Variants in DNAJC18 observed in about 807,000 individuals in gnomAD.
DNAJC18 encodes DnaJ heat shock protein family (Hsp40) member C18.
A neutral mutation model predicts 48.6 loss-of-function variants in DNAJC18; 40 were observed. The observed-to-expected ratio is 0.82, with a 90% CI of 0.64 to 1.07. DNAJC18 has a LOEUF of 1.07. DNAJC18 is among the 50% of genes least tolerant of loss of function. DNAJC18 has a pLI of 0.00. For synonymous variants in DNAJC18, 135 were observed against 152.2 expected, an observed-to-expected ratio of 0.89 and a Z score of 0.83; for missense variants, 340 against 427.7, an observed-to-expected ratio of 0.79 and a Z score of 1.81.
At chr5:139,420,764 C>T (rs1759140001) in intron 6 of DNAJC18, among the ~76,000 whole-genome samples, 1 of 151,908 alleles carries the variant, frequency 6.6e-6, no homozygotes, top group Non-Finnish European at 1.5e-5. Flanking sequence ...AGCTAACTCT[C>T]TGTGGGTCCA....
rs577407040 is a variant in DNAJC18, at chr5:139,415,683, C to T, written c.953-1411G>A. Among the ~76,000 whole-genome samples, 6 of 152,330 alleles carry T rather than the reference C, an allele frequency of 3.9e-5. No homozygotes were observed. In the East Asian group the frequency reaches 9.6e-4, roughly 24 times the overall value. On this transcript the variant is annotated intron_variant, in intron 7 of 7. Coordinates refer to ENST00000302060, the MANE Select transcript of DNAJC18 (RefSeq NM_152686.4). ...AAGCTCTCTGCTCCTGCATCCTGCC[C>T]AGGGCTCGGCACTAACTCCAATCTC...
At chr5:139,423,325 T>G (rs1759183512) in intron 5 of DNAJC18, among the ~76,000 whole-genome samples, 1 of 151,700 alleles carries the variant, frequency 6.6e-6, no homozygotes, top group African/African-American at 2.4e-5. Context: ...TGCTCCAAAA[T>G]CTAGAACTTT....
intron 3 of DNAJC18, 86 bp downstream of exon 3, chr5:139,428,452 A>C (rs1581419488): frequency 6.6e-7 from 1 of 1,525,614 alleles, no homozygotes; most frequent in Non-Finnish European, 8.8e-7. Context: ...TTATGGCCTT[A>C]TAAAACAACT....
At chr5:139,433,485 A>G (rs1486759667) in intron 2 of DNAJC18, among the ~76,000 whole-genome samples, 1 of 152,034 alleles carries the variant, frequency 6.6e-6, no homozygotes, top group African/African-American at 2.4e-5. Flanking sequence ...GCAAGAGATC[A>G]CTTTTTACTG....
chr5:139,424,082 T>C (rs966344749), intron 5 of DNAJC18, among the ~76,000 whole-genome samples: 1 of 152,184 alleles, frequency 6.6e-6, no homozygotes, highest in Admixed American at 6.5e-5. Flanking sequence ...CCTAGGAATT[T>C]GGGGTTGAAA....
At chr5:139,427,387 C>G (rs1759260625) in intron 3 of DNAJC18, among the ~76,000 whole-genome samples, 1 of 152,024 alleles carries the variant, frequency 6.6e-6, no homozygotes, top group Admixed American at 6.6e-5. Flanking sequence ...AAAAAGAAAT[C>G]TTTTAAGGCA....
chr5:139,422,809 A>C lies in DNAJC18; in HGVS notation c.678T>G (p.Tyr226Ter), dbSNP rs1310620318. The C allele has an allele frequency of 6.3e-7, 1 of 1,579,398 alleles. No homozygotes were observed. The highest frequency in any genetic ancestry group is 1.4e-5 in the African/African-American group (1 of 72,268). The change falls in exon 6 of 8, where the codon TAT becomes TAG. Residue 226 changes from tyrosine (Y) to a stop codon, truncating the protein, a stop_gained. Transcript: ENST00000302060. LOFTEE classifies it high-confidence loss of function. ...EEEEEKPQTT[Y>*]SAFIQLLPVL... is the part of the protein sequence containing the mutation. ...CTGGAAGTAGCTGAATAAATGCAGA[A>C]TATGTAGTCTGAAAAAGAAAAAAAA...
At chr5:139,424,594 C>A (rs997352279) in intron 5 of DNAJC18, among the ~76,000 whole-genome samples, 2 of 151,470 alleles carry the variant, frequency 1.3e-5, no homozygotes, top group African/African-American at 4.9e-5. Context: ...GTGGCACGCA[C>A]CTATAGTCCC....
chr5:139,417,278 T>G (rs1176575310), intron 7 of DNAJC18, among the ~76,000 whole-genome samples: 1 of 152,086 alleles, frequency 6.6e-6, no homozygotes, highest in Non-Finnish European at 1.5e-5. Context: ...ATTTAAAAAG[T>G]CAATGGCTAA....
chr5:139,438,266 A>C (rs1290724806), intron 1 of DNAJC18, among the ~76,000 whole-genome samples: 2 of 151,564 alleles, frequency 1.3e-5, no homozygotes, highest in Admixed American at 1.3e-4. Context: ...CAGTGAGCCG[A>C]GATCGCGCTA....
chr5:139,416,003 T>C (rs1235060096), intron 7 of DNAJC18, among the ~76,000 whole-genome samples: 3 of 152,120 alleles, frequency 2.0e-5, no homozygotes, highest in African/African-American at 7.2e-5. Flanking sequence ...TCACATTGCT[T>C]TTCATAAAGT....
At chr5:139,432,474 T>TG (rs1403951735) in intron 2 of DNAJC18, among the ~76,000 whole-genome samples, 1 of 150,820 alleles carries the variant, frequency 6.6e-6, no homozygotes, top group Non-Finnish European at 1.5e-5. Flanking sequence ...CAGAACTTTA[T>TG]TTTTTTTTAG....
chr5:139,419,990 G>C, intron 7 of DNAJC18, 63 bp downstream of exon 7: 2 of 1,458,290 alleles, frequency 1.4e-6, no homozygotes, highest in South Asian at 1.5e-5. Context: ...GGATCAGGAG[G>C]CTGGGGGTGC....
In DNAJC18 at chr5:139,425,052, G is replaced by A. The variant is rs1187570822; in HGVS notation, c.622C>T (p.His208Tyr). ...TCCTTCTGAGTCTGTGTCCTCTCAT[G>A]TCGGTGCCGTCGACGGTAATAGTAA... ...DTYYYRRRHR[H>Y]ERTQTQKEEE... The change falls in exon 5 of 8, where the codon CAT becomes TAT. Residue 208 changes from histidine to tyrosine, a missense_variant. His to Tyr is a moderately conservative substitution (Grantham distance 83). Coordinates refer to ENST00000302060, the MANE Select transcript of DNAJC18 (RefSeq NM_152686.4). The A allele has an allele frequency of 3.1e-6, 5 of 1,613,374 alleles. No homozygotes were observed. In the South Asian group the frequency reaches 5.5e-5, roughly 18 times the overall value.
chr5:139,432,348 A>G (rs990935474), intron 2 of DNAJC18, among the ~76,000 whole-genome samples: 3 of 152,038 alleles, frequency 2.0e-5, no homozygotes, highest in African/African-American at 7.2e-5. Context: ...TATTTTTAGT[A>G]GAGACGGGGT....
At chr5:139,429,651 G>A (rs1034625676) in intron 2 of DNAJC18, among the ~76,000 whole-genome samples, 3 of 152,216 alleles carry the variant, frequency 2.0e-5, no homozygotes, top group East Asian at 3.9e-4. Context: ...TGGGCTGGGC[G>A]TGGTGGCTCA....
At chr5:139,436,016 G>GTCCA (rs1238572696) in intron 2 of DNAJC18, among the ~76,000 whole-genome samples, 10 of 151,446 alleles carry the variant, frequency 6.6e-5, no homozygotes, top group African/African-American at 2.4e-4. Context: ...GAGTCACCAT[G>GTCCA]TCCAGCTAGA....
chr5:139,422,676 T>TA (rs1759173461), intron 6 of DNAJC18, 32 bp downstream of exon 6: 1 of 1,496,916 alleles, frequency 6.7e-7, no homozygotes, highest in Non-Finnish European at 9.2e-7. Flanking sequence ...CCCAGACTGT[T>TA]ACTGAGAAAG....
chr5:139,419,921 C>A (rs891158999), intron 7 of DNAJC18, 132 bp downstream of exon 7: 5 of 884,408 alleles, frequency 5.7e-6, no homozygotes, highest in Non-Finnish European at 8.3e-6. Context: ...TCCTGAATGG[C>A]CTTTGTCCTC....
Sources: gnomAD v4.1 joint callset for allele counts (sites outside exome capture counted in the v4.1 genomes callset) on GRCh38, gnomAD v4.1.1 for gene constraint, MANE v1.5 for transcripts, NCBI Gene and HGNC (gene_info 2026-07-23, HGNC 2026-07-21) for gene names.